The following DNAAF5 variants were observed in gnomAD, a reference collection of about 807,000 sequenced individuals.
DNAAF5 encodes HEAT repeat containing 2.
A neutral mutation model predicts 75.8 loss-of-function variants in DNAAF5; 64 were observed. The observed-to-expected ratio is 0.84, with a 90% CI of 0.69 to 1.04. DNAAF5 has a LOEUF of 1.04. Among genes scored for constraint, DNAAF5 ranks in the 50% least tolerant of loss-of-function variants. DNAAF5 has a pLI of 0.00. For missense variants in DNAAF5, 1,269 were observed against 1,178.5 expected (o/e 1.08, Z -1.12); for synonymous variants, 657 against 557.2 (o/e 1.18, Z -2.52).
intron 8 of DNAAF5, among the ~76,000 whole-genome samples, chr7:766,178 G>A (rs1185703149): frequency 5.9e-5 from 9 of 152,220 alleles, no homozygotes; most frequent in Non-Finnish European, 2.9e-5. Context: ...CCCCATCTGA[G>A]CGCACACATG....
intron 7 of DNAAF5, 101 bp from the exon 8 acceptor site, chr7:763,705 G>T (rs4495324): frequency 7.5e-7 from 1 of 1,330,298 alleles, no homozygotes; most frequent in African/African-American, 1.4e-5. Flanking sequence ...GGCCCGGCCT[G>T]TGTGGTTCTT....
intron 1 of DNAAF5, among the ~76,000 whole-genome samples, chr7:728,439 T>A (rs1422950083): frequency 1.3e-5 from 2 of 152,162 alleles, no homozygotes; most frequent in East Asian, 3.8e-4. Context: ...TCACTGCAGC[T>A]GCGTGGAGAA....
chr7:784,520 C>T lies in DNAAF5; in HGVS notation c.2432-997C>T, dbSNP rs530031144. On this transcript the variant is annotated intron_variant, in intron 12 of 12. Coordinates refer to ENST00000297440, the MANE Select transcript of DNAAF5 (RefSeq NM_017802.4). Reference sequence around the variant, plus strand: ...CAGCAACCTCCCCATCCTCTTCCTGCCTCAGCTAGACACGCCCAACCCTTT... The same window carrying T: ...CAGCAACCTCCCCATCCTCTTCCTGTCTCAGCTAGACACGCCCAACCCTTT... Among the ~76,000 whole-genome samples, 6 of 152,318 alleles carry T rather than the reference C, an allele frequency of 3.9e-5. No homozygotes were observed. In the East Asian group the frequency reaches 9.7e-4, roughly 25 times the overall value.
In DNAAF5 at chr7:741,564, G is replaced by T. The variant is rs914414926; in HGVS notation, c.1024+99G>T. The T allele has an allele frequency of 9.2e-6, 7 of 758,956 alleles. No homozygotes were observed. The African/African-American group carries it at 1.1e-4, about 11-fold the overall frequency. The allele number at this position is 758,956 out of a possible 1,614,324, so 47.0% of individuals were successfully genotyped here. On this transcript the variant is annotated intron_variant, in intron 4 of 12. Coordinates refer to ENST00000297440, the MANE Select transcript of DNAAF5 (RefSeq NM_017802.4). Reference sequence around the variant, plus strand: ...AGGAAGCTTCAGCTCTTGCAGTTCTGAGCCCAGGCGGCCGCGTCGGAAAGG... The same window carrying T: ...AGGAAGCTTCAGCTCTTGCAGTTCTTAGCCCAGGCGGCCGCGTCGGAAAGG...
At position 741,432 on chromosome 7, in the gene DNAAF5, G is replaced by GCCCCCC; in HGVS notation, c.995_996insCCCCCC (p.Pro332_Pro333dup). The GCCCCCC allele has an allele frequency of 6.4e-7, 1 of 1,564,806 alleles. No individual in the cohort carries two copies. The highest frequency in any genetic ancestry group is 1.2e-5 in the South Asian group (1 of 85,186). On this transcript the variant is annotated inframe_insertion, in exon 4 of 13. Transcript: ENST00000297440. The stretch of plus-strand genomic sequence containing the variant: ...GGACCTGAAGGACAAGCTGGACTTT[G>GCCCCCC]CCCCTCCCACCCCACCCCATTACCC...
At chr7:756,508 G>T (rs1321988122) in intron 5 of DNAAF5, among the ~76,000 whole-genome samples, 4 of 152,220 alleles carry the variant, frequency 2.6e-5, no homozygotes, top group African/African-American at 9.6e-5. Context: ...AGGGGTGTGT[G>T]GTGAACCCCA....
Position 761,838 on chromosome 7 carries a change from T to C in DNAAF5, c.1556T>C (p.Leu519Pro). ...GACTGTGGCGTGGCCAGCCTGCAGC[T>C]CTTGGACGTGCTGCTGACAATAGTG... ...HEDCGVASLQLLDVLLTIVAL... is the reference protein window; with the variant it reads ...HEDCGVASLQPLDVLLTIVAL... Residue 519 changes from leucine to proline, a missense_variant, in exon 7 of 13, where the codon CTC (leucine) becomes CCC (proline). Transcript: ENST00000297440. The C allele has an allele frequency of 6.2e-7, 1 of 1,602,224 alleles. No homozygotes were observed. The highest frequency in any genetic ancestry group is 8.5e-7 in the Non-Finnish European group (1 of 1,174,620).
chr7:745,688 C>T (rs976266102), intron 4 of DNAAF5, among the ~76,000 whole-genome samples: 2 of 152,164 alleles, frequency 1.3e-5, no homozygotes, highest in African/African-American at 4.8e-5. Context: ...CACATATACA[C>T]ATCTGCACAC....
chr7:741,093 G>GT, intron 3 of DNAAF5, 150 bp downstream of exon 3: 1 of 980,756 alleles, frequency 1.0e-6, no homozygotes, highest in Non-Finnish European at 1.5e-6. Flanking sequence ...AAGTCGTCTC[G>GT]TTTTGTAAAT....
At chr7:770,402 C>T (rs1778514430) in intron 8 of DNAAF5, 69 bp from the exon 9 acceptor site, 3 of 1,492,454 alleles carry the variant, frequency 2.0e-6, no homozygotes, top group Admixed American at 3.8e-5. Context: ...TGAGCCTGGG[C>T]CTGTGCTGGA....
rs950490534 is a variant in DNAAF5, at chr7:780,059, C to G, written c.2346C>G (p.Tyr782Ter). 59 of 1,614,140 alleles carry G rather than the reference C, an allele frequency of 3.7e-5. No individual in the cohort carries two copies. Among genetic ancestry groups the G allele is most frequent in the Non-Finnish European group, 4.7e-5 (55 of 1,180,046 alleles). Residue 782 changes from tyrosine to a stop codon, truncating the protein, a stop_gained, in exon 12 of 13, where the codon TAC becomes TAG. Coordinates refer to ENST00000297440, the MANE Select transcript of DNAAF5 (RefSeq NM_017802.4). LOFTEE classifies it high-confidence loss of function. The part of the protein sequence containing the change: ...QCVKGANAKS[Y>*]YQSSVQYLYR... The stretch of plus-strand genomic sequence containing the variant: ...TCAAGGGTGCCAACGCAAAATCCTA[C>G]TATCAGAGCAGTGTCCAGTACCTGT...
intron 12 of DNAAF5, among the ~76,000 whole-genome samples, chr7:781,891 C>G (rs114590296): frequency 1.4e-3 from 206 of 152,346 alleles, no homozygotes; most frequent in African/African-American, 4.7e-3. Context: ...AGTGATTAAT[C>G]CTTGTCAGGC....
intron 9 of DNAAF5, chr7:770,835 G>A: frequency 2.0e-6 from 1 of 494,230 alleles, no homozygotes; most frequent in Non-Finnish European, 3.7e-6. Context: ...GGTGGGCCGG[G>A]GGTCCCCACC....
At chr7:767,655 A>G (rs1405241966) in intron 8 of DNAAF5, among the ~76,000 whole-genome samples, 6 of 152,198 alleles carry the variant, frequency 3.9e-5, no homozygotes, top group Admixed American at 6.5e-5. Flanking sequence ...GCCAGTGCAG[A>G]AGTGTCCGTG....
intron 2 of DNAAF5, among the ~76,000 whole-genome samples, chr7:740,335 A>G (rs563304701): frequency 2.0e-5 from 3 of 152,354 alleles, no homozygotes; most frequent in East Asian, 1.9e-4. Context: ...GGTTTCCTCC[A>G]GAGTCCCTGG....
chr7:769,849 C>T (rs2128083447), intron 8 of DNAAF5, among the ~76,000 whole-genome samples: 1 of 152,310 alleles, frequency 6.6e-6, no homozygotes, highest in East Asian at 1.9e-4. Flanking sequence ...CCATGTTGGT[C>T]AGGCTGGTCT....
At chr7:732,404 G>A (rs1022759827) in intron 2 of DNAAF5, among the ~76,000 whole-genome samples, 11 of 152,234 alleles carry the variant, frequency 7.2e-5, no homozygotes, top group African/African-American at 2.4e-4. Context: ...CATGGACTTC[G>A]CCCTGCAGGG....
At chr7:758,334 T>G (rs1782549659) in intron 6 of DNAAF5, among the ~76,000 whole-genome samples, 1 of 152,256 alleles carries the variant, frequency 6.6e-6, no homozygotes, top group Admixed American at 6.5e-5. Flanking sequence ...CACATCTCCA[T>G]GTTGGTTACA....
intron 4 of DNAAF5, among the ~76,000 whole-genome samples, chr7:742,922 T>C (rs545722806): frequency 6.6e-6 from 1 of 152,178 alleles, no homozygotes; most frequent in Non-Finnish European, 1.5e-5. Flanking sequence ...CATTCCCAGC[T>C]CAAATCAGAT....
Sources: allele counts gnomAD v4.1 joint callset (sites outside exome capture counted in the v4.1 genomes callset), GRCh38; gene constraint gnomAD v4.1.1; transcripts MANE v1.5; gene names NCBI Gene and HGNC (gene_info 2026-07-23, HGNC 2026-07-21).